The following XPA variants were observed in gnomAD, a reference collection of about 807,000 sequenced individuals.
XPA encodes the protein XPA, DNA damage recognition and repair factor, also known as DNA repair protein complementing XP-A cells.
In XPA, 27 loss-of-function variants were observed where a neutral mutation model predicts 35.7. The ratio of observed to expected loss-of-function variants is 0.76; its 90% CI spans 0.56 to 1.04. The LOEUF (loss-of-function observed/expected upper bound fraction) is 1.04. Ranked by LOEUF, XPA falls within the 50% of genes least tolerant of loss-of-function variation. The pLI, the probability that XPA is intolerant of heterozygous loss-of-function variation, is 0.00. For synonymous variants in XPA, 133 were observed against 118.4 expected, an observed-to-expected ratio of 1.12 and a Z score of -0.80; for missense variants, 354 against 342.7, an observed-to-expected ratio of 1.03 and a Z score of -0.26.
chr9:97,693,388 C>T lies in XPA; in HGVS notation c.283+261G>A, dbSNP rs575643815. Among the ~76,000 whole-genome samples the T allele has an allele frequency of 2.0e-5, 3 of 152,274 alleles. No homozygotes were observed. The South Asian group carries it at 6.2e-4, about 32-fold the overall frequency. On this transcript the variant is annotated intron_variant, in intron 2 of 5. Transcript: ENST00000375128. The stretch of plus-strand genomic sequence containing the variant: ...CTACCAATCAATATACTGGCTAACC[C>T]TGCCTATTATAAAACAACAGAGAGC...
downstream of XPA, chr9:97,671,249 T>C: frequency 2.3e-6 from 3 of 1,331,644 alleles, no homozygotes. Flanking sequence ...TTAAAATAAT[T>C]TGTCTTATTT....
chr9:97,690,304 G>C (rs1423676918), intron 2 of XPA, among the ~76,000 whole-genome samples: 5 of 152,178 alleles, frequency 3.3e-5, no homozygotes, highest in African/African-American at 1.2e-4. Flanking sequence ...TCCACCTCTC[G>C]GGTTCAAGCG....
intron 5 of XPA, among the ~76,000 whole-genome samples, chr9:97,678,755 ACT>A (rs1828448968): frequency 6.6e-6 from 1 of 152,170 alleles, no homozygotes; most frequent in Admixed American, 6.6e-5. Context: ...CAGAATTACC[ACT>A]GAGGGCTGAT....
chr9:97,687,143 G>C lies in XPA; in HGVS notation c.508C>G (p.Pro170Ala), dbSNP rs748215619. 10 of 1,612,684 alleles carry C rather than the reference G, an allele frequency of 6.2e-6. No homozygotes were observed. The East Asian group carries it at 1.8e-4, about 29-fold the overall frequency. ...PPLKFIVKKNPHHSQWGDMKL... is the reference protein window; with the variant it reads ...PPLKFIVKKNAHHSQWGDMKL... ...ATATCACCCCATTGTGAATGATGTG[G>C]ATTCTTCTTCACAATAAATTTAAGA... Residue 170 changes from proline (P) to alanine (A), a missense_variant, in exon 4 of 6, where the codon CCA becomes GCA. By Grantham distance (27) the Pro-to-Ala change is conservative (BLOSUM62 -1). Transcript: ENST00000375128.
intron 2 of XPA, 21 bp downstream of exon 2, chr9:97,693,628 T>G (rs766064929): frequency 6.2e-7 from 1 of 1,607,236 alleles, no homozygotes; most frequent in Admixed American, 1.7e-5. Flanking sequence ...TAGATACTTA[T>G]TTTTGAAAAA....
chr9:97,685,515 T>G (rs1400712573), intron 4 of XPA, among the ~76,000 whole-genome samples: 1 of 152,224 alleles, frequency 6.6e-6, no homozygotes, highest in Non-Finnish European at 1.5e-5. Flanking sequence ...AGGATATATT[T>G]TTTTTTAATT....
intron 2 of XPA, among the ~76,000 whole-genome samples, chr9:97,690,313 C>T (rs916904004): frequency 7.2e-5 from 11 of 152,186 alleles, no homozygotes; most frequent in Non-Finnish European, 1.0e-4. Flanking sequence ...CGGGTTCAAG[C>T]GATTCTCCTG....
the XPA span, among the ~76,000 whole-genome samples, chr9:97,663,321 C>T: frequency 6.6e-6 from 1 of 152,150 alleles, no homozygotes; most frequent in Non-Finnish European, 1.5e-5. Flanking sequence ...TTTCTAAATG[C>T]AAGCTCCAGA....
intron 1 of XPA, 85 bp downstream of exon 1, chr9:97,697,036 G>C: frequency 6.9e-7 from 1 of 1,442,184 alleles, no homozygotes; most frequent in South Asian, 1.4e-5. Flanking sequence ...GCGACCCCCG[G>C]GCCCCGGGAC....
At chr9:97,684,446 T>A (rs1013551695) in intron 5 of XPA, among the ~76,000 whole-genome samples, 2 of 152,182 alleles carry the variant, frequency 1.3e-5, no homozygotes, top group Non-Finnish European at 2.9e-5. Context: ...CCAATAACTA[T>A]CTACATAACA....
chr9:97,669,799 A>G, the XPA span: 15 of 854,094 alleles, frequency 1.8e-5, no homozygotes, highest in Middle Eastern at 1.2e-3. Flanking sequence ...TTAGGAGGTT[A>G]TATAGTACCT....
chr9:97,671,234 A>G (rs781147334), downstream of XPA: 44 of 1,389,398 alleles, frequency 3.2e-5, no homozygotes, highest in East Asian at 4.6e-5. Flanking sequence ...GTTTTTTTTG[A>G]TATCTTAAAA....
chr9:97,684,349 T>C (rs1165821607), intron 5 of XPA, among the ~76,000 whole-genome samples: 1 of 152,192 alleles, frequency 6.6e-6, no homozygotes, highest in Non-Finnish European at 1.5e-5. Context: ...GACAAGGGAA[T>C]GCATGCAAAG....
At chr9:97,667,506 A>G in the XPA span, among the ~76,000 whole-genome samples, 3 of 152,188 alleles carry the variant, frequency 2.0e-5, no homozygotes, top group Non-Finnish European at 2.9e-5. Context: ...ACATATATGG[A>G]TATAAACACT....
chr9:97,689,504 G>T (rs752384446), intron 3 of XPA, 30 bp downstream of exon 3: 7 of 1,353,572 alleles, frequency 5.2e-6, no homozygotes, highest in African/African-American at 1.4e-5. Flanking sequence ...ATAAACATTA[G>T]CAATTAAGAA....
intron 5 of XPA, among the ~76,000 whole-genome samples, chr9:97,679,062 T>C (rs1828458351): frequency 6.6e-6 from 1 of 152,312 alleles, no homozygotes; most frequent in African/African-American, 2.4e-5. Flanking sequence ...AAAAGAACAT[T>C]AGATCAACTA....
At chr9:97,671,156 A>G (rs1469769776), downstream of XPA, 5 of 1,613,594 alleles carry the variant, frequency 3.1e-6, no homozygotes, top group East Asian at 6.7e-5. Flanking sequence ...TTAGACCCTC[A>G]TATCTTGGCC....
chr9:97,657,885 GCTCTCTCT>G, the XPA span, among the ~76,000 whole-genome samples: 1 of 114,016 alleles, frequency 8.8e-6, no homozygotes, highest in East Asian at 2.7e-4. Context: ...GCCCCGGTAA[GCTCTCTCT>G]CTCTCTCTCT....
the XPA span, chr9:97,662,201 AGTG>A: frequency 1.6e-6 from 2 of 1,235,380 alleles, no homozygotes; most frequent in Admixed American, 1.7e-5. Context: ...GGTGAACACC[AGTG>A]GTATGGTAAT....
Sources: allele counts gnomAD v4.1 joint callset (sites outside exome capture counted in the v4.1 genomes callset), GRCh38; gene constraint gnomAD v4.1.1; transcripts MANE v1.5; gene names NCBI Gene and HGNC (gene_info 2026-07-23, HGNC 2026-07-21).